PPM1H: variants seen among roughly 807,000 people sequenced by gnomAD.
PPM1H encodes protein phosphatase 1H.
PPM1H carries 27 observed loss-of-function variants against 54.9 expected under a neutral mutation model. That is an observed-to-expected ratio of 0.49 (90% CI 0.36 to 0.68). The LOEUF is 0.68. Among genes scored for constraint, PPM1H ranks in the 30% least tolerant of loss-of-function variants. PPM1H has a pLI of 0.00. For synonymous variants in PPM1H, 305 were observed against 270.8 expected (o/e 1.13, Z -1.24); for missense variants, 596 against 667.8 (o/e 0.89, Z 1.19).
At chr12:62,821,711 T>A (rs1450837824) in intron 2 of PPM1H, among the ~76,000 whole-genome samples, 7 of 152,188 alleles carry the variant, frequency 4.6e-5, no homozygotes, top group African/African-American at 1.7e-4. Flanking sequence ...AAGCAAATGC[T>A]GAGAGATTTT....
At chr12:62,866,136 T>G (rs1198744329) in intron 1 of PPM1H, among the ~76,000 whole-genome samples, 4 of 152,166 alleles carry the variant, frequency 2.6e-5, no homozygotes, top group Admixed American at 2.6e-4. Context: ...GCCAAGAGAC[T>G]TGTGTCAAGC....
chr12:62,680,029 T>C (rs1412603840), intron 8 of PPM1H, among the ~76,000 whole-genome samples: 1 of 152,166 alleles, frequency 6.6e-6, no homozygotes, highest in African/African-American at 2.4e-5. Context: ...TCCCTCCCTG[T>C]ACAAGCATGT....
intron 1 of PPM1H, among the ~76,000 whole-genome samples, chr12:62,910,030 G>T (rs553975884): frequency 1.4e-4 from 22 of 152,300 alleles, no homozygotes; most frequent in African/African-American, 4.8e-4. Flanking sequence ...CCTCGAGGAA[G>T]GGCTATTGAA....
At chr12:62,788,708 G>C (rs2120704787) in intron 3 of PPM1H, among the ~76,000 whole-genome samples, 1 of 152,312 alleles carries the variant, frequency 6.6e-6, no homozygotes, top group East Asian at 1.9e-4. Context: ...AGGATGACAA[G>C]TACTTGGACC....
At chr12:62,783,347 T>C (rs1052049584) in intron 4 of PPM1H, among the ~76,000 whole-genome samples, 2 of 152,192 alleles carry the variant, frequency 1.3e-5, no homozygotes, top group African/African-American at 2.4e-5. Context: ...TAAGATGCCA[T>C]TGATTATAAG....
At chr12:62,879,845 A>G (rs1425159651) in intron 1 of PPM1H, among the ~76,000 whole-genome samples, 1 of 152,184 alleles carries the variant, frequency 6.6e-6, no homozygotes, top group Non-Finnish European at 1.5e-5. Context: ...GCCTCTGCAC[A>G]CTAATTAAAT....
intron 4 of PPM1H, among the ~76,000 whole-genome samples, chr12:62,750,789 A>C (rs546013331): frequency 6.6e-6 from 1 of 152,168 alleles, no homozygotes; most frequent in Non-Finnish European, 1.5e-5. Context: ...AGATCTGAAA[A>C]TCTCAGTGAT....
rs1041870346 is a variant in PPM1H at position 62,786,106 on chromosome 12, G to A, written c.869+2120C>T. Among the ~76,000 whole-genome samples the A allele has an allele frequency of 2.0e-5, 3 of 152,104 alleles. No homozygotes were observed. The East Asian group carries it at 5.8e-4, about 29-fold the overall frequency. ...AAAGGACAGGAAACCAGACATAAAG[G>A]CTTTAAAAGGTGAACGTGAGTGCAA... On this transcript the variant is annotated intron_variant, in intron 4 of 9. Transcript: ENST00000228705.
rs556245876 is a variant in PPM1H, at chr12:62,720,039, C to T, written c.1073+132G>A. The stretch of plus-strand genomic sequence containing the variant: ...AACATAGCAGAGGCAGGTGTACCCC[C>T]TTGTCTTTTACCACAAACCCTGGTC... On this transcript the variant is annotated intron_variant, in intron 6 of 9. Coordinates refer to ENST00000228705, the MANE Select transcript of PPM1H (RefSeq NM_020700.2). 4.0e-6 allele frequency: 3 copies of T among 743,794 alleles called. No homozygotes were observed. The South Asian group carries it at 5.5e-5, about 14-fold the overall frequency. 46.1% of individuals were successfully genotyped at this position (743,794 alleles called of 1,614,324 possible). A position where few individuals can be genotyped will look rare whatever the true frequency, so the allele number is the denominator to read the frequency against.
chr12:62,832,372 T>C (rs767037807), intron 1 of PPM1H, 93 bp from the exon 2 acceptor site: 36 of 1,257,644 alleles, frequency 2.9e-5, no homozygotes, highest in Non-Finnish European at 2.8e-5. Flanking sequence ...TCTCTACAAC[T>C]GGCCCAGAAC....
intron 3 of PPM1H, among the ~76,000 whole-genome samples, chr12:62,795,444 T>C (rs1407660396): frequency 3.3e-5 from 5 of 151,754 alleles, no homozygotes; most frequent in Non-Finnish European, 7.4e-5. Flanking sequence ...AGATAAAATA[T>C]ATATATATAT....
chr12:62,801,162 C>T (rs2076766965), intron 3 of PPM1H, among the ~76,000 whole-genome samples: 1 of 152,174 alleles, frequency 6.6e-6, no homozygotes, highest in Non-Finnish European at 1.5e-5. Context: ...CCCCCAACAC[C>T]GGACTTTATA....
chr12:62,761,359 A>G (rs552081648), intron 4 of PPM1H, among the ~76,000 whole-genome samples: 3 of 152,374 alleles, frequency 2.0e-5, no homozygotes, highest in Non-Finnish European at 4.4e-5. Context: ...CCTGGGGGGC[A>G]AATGGGATTA....
chr12:62,923,006 G>A (rs191501676), intron 1 of PPM1H, among the ~76,000 whole-genome samples: 105 of 152,322 alleles, frequency 6.9e-4, no homozygotes, highest in Non-Finnish European at 1.2e-3. Context: ...CAACTATGTG[G>A]ATGCTAAGTT....
intron 4 of PPM1H, among the ~76,000 whole-genome samples, chr12:62,760,881 C>T (rs780728485): frequency 7.2e-5 from 11 of 152,208 alleles, no homozygotes; most frequent in South Asian, 6.2e-4. Context: ...TTAAAGATTA[C>T]ATTCTAACCA....
At chr12:62,717,673 A>C (rs1372372120) in intron 6 of PPM1H, among the ~76,000 whole-genome samples, 1 of 152,218 alleles carries the variant, frequency 6.6e-6, no homozygotes, top group Non-Finnish European at 1.5e-5. Context: ...AAAAACAAAA[A>C]ACAAAAACAA....
intron 5 of PPM1H, among the ~76,000 whole-genome samples, chr12:62,733,851 G>T (rs914897236): frequency 6.6e-6 from 1 of 152,134 alleles, no homozygotes; most frequent in Non-Finnish European, 1.5e-5. Context: ...TTGTTTAAGG[G>T]CGACACCAAA....
intron 4 of PPM1H, among the ~76,000 whole-genome samples, chr12:62,785,420 G>A (rs12314418): frequency 0.031 from 4,720 of 152,162 alleles, 240 homozygotes; most frequent in African/African-American, 0.11. Flanking sequence ...CTCATGATCC[G>A]CCCGCCTTGG....
At chr12:62,691,137 C>T (rs1027133713) in intron 7 of PPM1H, among the ~76,000 whole-genome samples, 13 of 152,210 alleles carry the variant, frequency 8.5e-5, no homozygotes, top group East Asian at 1.9e-4. Context: ...GAAGGCTCCA[C>T]GGAGGAGGTG....
Sources: gnomAD v4.1 joint callset for allele counts (sites outside exome capture counted in the v4.1 genomes callset) on GRCh38, gnomAD v4.1.1 for gene constraint, MANE v1.5 for transcripts, NCBI Gene and HGNC (gene_info 2026-07-23, HGNC 2026-07-21) for gene names.